RIMBP2: variants seen among roughly 807,000 people sequenced by gnomAD.
The protein encoded by RIMBP2 is RIMS binding protein 2.
Under a neutral mutation model 118.6 loss-of-function variants are expected in RIMBP2, and 48 were observed. The observed-to-expected ratio is 0.40, with a 90% CI of 0.32 to 0.51. RIMBP2 has a LOEUF of 0.51. Among genes scored for constraint, RIMBP2 ranks in the 20% least tolerant of loss-of-function variants. The probability of loss-of-function intolerance (pLI) is 0.41; values close to 1 mark genes in which losing one functional copy is unlikely to be tolerated. For missense variants in RIMBP2, 1,551 were observed against 1,768.3 expected (o/e 0.88, Z 2.20); for synonymous variants, 762 against 742.9 (o/e 1.03, Z -0.42).
chr12:130,473,601 C>T (rs7138279), intron 5 of RIMBP2, among the ~76,000 whole-genome samples: 133,334 of 152,272 alleles, frequency 0.88, 58,550 homozygotes, highest in East Asian at 1. Context: ...GAGGGGCCTC[C>T]GTGGGCGTTA....
At position 130,449,921 on chromosome 12, in the gene RIMBP2, C is replaced by A. The variant is rs145212155; in HGVS notation, c.581+279G>T. Among the ~76,000 whole-genome samples, 847 of 152,186 alleles carry A rather than the reference C, an allele frequency of 5.6e-3. 6 individuals carry two copies. Among genetic ancestry groups the A allele is most frequent in the South Asian group, 0.029 (140 of 4,804 alleles). ...CTCGGAGGGCGAGACCCTGCCGATA[C>A]CCCCATCTCAAACTTCTGCCTCCAG... On this transcript the variant is annotated intron_variant, in intron 9 of 22. Transcript: ENST00000690449.
intron 6 of RIMBP2, among the ~76,000 whole-genome samples, chr12:130,468,079 A>G (rs917009169): frequency 6.6e-6 from 1 of 152,114 alleles, no homozygotes; most frequent in Non-Finnish European, 1.5e-5. Context: ...GGACACAAAC[A>G]CCTAGACATG....
intron 16 of RIMBP2, among the ~76,000 whole-genome samples, chr12:130,423,450 A>T (rs990607223): frequency 6.6e-6 from 1 of 152,212 alleles, no homozygotes; most frequent in Non-Finnish European, 1.5e-5. Context: ...TTCAATGAAA[A>T]GGTCAGCATG....
chr12:130,442,510 A>G lies in RIMBP2; in HGVS notation c.842T>C (p.Ile281Thr), dbSNP rs746533969. The G allele has an allele frequency of 8.7e-6, 14 of 1,613,754 alleles. No individual in the cohort carries two copies. The highest frequency in any genetic ancestry group is 9.3e-6 in the Non-Finnish European group (11 of 1,179,994). ...GTGGGTTGGGGAGTGGAGGTCCAGG[A>G]TGTGCTCTCCCTCCAGGCCGATGCC... Reference protein sequence around the residue: ...HSGIGLEGEHILDLHSPTHID... With the variant: ...HSGIGLEGEHTLDLHSPTHID... Residue 281 changes from isoleucine (I) to threonine (T), a missense_variant, in exon 11 of 23, where the codon ATC (isoleucine) becomes ACC (threonine). Ile to Thr is a moderately conservative substitution (Grantham distance 89). Coordinates refer to ENST00000690449, the MANE Select transcript of RIMBP2 (RefSeq NM_001393629.1). The surrounding 1 kb of genome is among the most constrained non-coding windows in gnomAD (Gnocchi z 6.9).
chr12:130,656,846 T>C (rs1594155252), intron 1 of RIMBP2, among the ~76,000 whole-genome samples: 1 of 151,420 alleles, frequency 6.6e-6, no homozygotes, highest in African/African-American at 2.4e-5. Context: ...GGGGAGGAGG[T>C]TGCAGTGAGC....
Position 130,511,641 on chromosome 12 carries a change from A to C in RIMBP2, c.-126-4871T>G, listed in dbSNP as rs1285065847. 6.6e-6 allele frequency among the ~76,000 whole-genome samples: 1 copy of C among 152,168 alleles called. No homozygotes were observed. The highest frequency in any genetic ancestry group is 1.5e-5 in the Non-Finnish European group (1 of 68,040). The stretch of plus-strand genomic sequence containing the variant: ...CTCAATTGCTTTTGGAGTATGCGCC[A>C]TCTCTCTCCTGCTGGGACCAGACTG... On this transcript the variant is annotated intron_variant, in intron 3 of 22. Coordinates refer to ENST00000690449, the MANE Select transcript of RIMBP2 (RefSeq NM_001393629.1). This position sits in a 1 kb window ranked among gnomAD's most constrained non-coding sequence, Gnocchi z 4.3.
chr12:130,612,486 C>A (rs952489009), intron 2 of RIMBP2, among the ~76,000 whole-genome samples: 38 of 152,306 alleles, frequency 2.5e-4, no homozygotes, highest in African/African-American at 8.7e-4. Context: ...TAATGAAAAG[C>A]CACCCCAGGT....
chr12:130,582,524 G>C (rs1440590950), intron 2 of RIMBP2, among the ~76,000 whole-genome samples: 1 of 152,226 alleles, frequency 6.6e-6, no homozygotes, highest in Non-Finnish European at 1.5e-5. Context: ...GGCACCATGA[G>C]CGGCTCTGGT....
rs1209561230 is a variant in RIMBP2 at position 130,648,451 on chromosome 12, C to T, written c.-351-19995G>A. ...GGAGAAAATAAAAACTTCGTAATAT[C>T]CCCTTAAAATACATTCCATCTGTAT... On this transcript the variant is annotated intron_variant, in intron 1 of 22. Transcript: ENST00000690449. Among the ~76,000 whole-genome samples the T allele has an allele frequency of 1.4e-5, 2 of 145,202 alleles. 1 individual carries two copies. The highest frequency in any genetic ancestry group is 3.1e-5 in the Non-Finnish European group (2 of 64,234).
At chr12:130,481,010 C>A (rs1371329392) in intron 4 of RIMBP2, among the ~76,000 whole-genome samples, 1 of 152,192 alleles carries the variant, frequency 6.6e-6, no homozygotes, top group Admixed American at 6.5e-5. Flanking sequence ...TTTCCTGAGG[C>A]CGCTGCCAAC....
chr12:130,674,131 A>T (rs114556570), intron 1 of RIMBP2, among the ~76,000 whole-genome samples: 9,131 of 151,926 alleles, frequency 0.06, 275 homozygotes, highest in Admixed American at 0.083. Context: ...TTTAAAAAAT[A>T]AAAAAAATGT....
intron 2 of RIMBP2, among the ~76,000 whole-genome samples, chr12:130,536,699 G>C (rs1157341489): frequency 6.6e-6 from 1 of 152,210 alleles, no homozygotes; most frequent in East Asian, 1.9e-4. Context: ...TTTAATTTAA[G>C]TCAAATAAAA....
At chr12:130,402,090 A>G (rs2074648115) in intron 21 of RIMBP2, among the ~76,000 whole-genome samples, 1 of 152,224 alleles carries the variant, frequency 6.6e-6, no homozygotes, top group African/African-American at 2.4e-5. Context: ...AATCCACGTC[A>G]GAACGCACAT....
chr12:130,618,199 T>C (rs2061074284), intron 2 of RIMBP2, among the ~76,000 whole-genome samples: 1 of 152,120 alleles, frequency 6.6e-6, no homozygotes, highest in Admixed American at 6.5e-5. Context: ...ATGTATTATC[T>C]AAATAATCAT....
At chr12:130,486,760 C>T (rs555048310) in intron 4 of RIMBP2, among the ~76,000 whole-genome samples, 3 of 152,098 alleles carry the variant, frequency 2.0e-5, no homozygotes, top group Non-Finnish European at 4.4e-5. Context: ...AAACTCCCCC[C>T]ACCCATGTCT....
At chr12:130,421,242 T>A (rs2277358) in intron 17 of RIMBP2, among the ~76,000 whole-genome samples, 7,507 of 152,306 alleles carry the variant, frequency 0.049, 457 homozygotes, top group Admixed American at 0.19. Flanking sequence ...GAAAGGAATC[T>A]GGGCTCCACT....
At chr12:130,673,988 C>T (rs530936731) in intron 1 of RIMBP2, among the ~76,000 whole-genome samples, 9 of 150,974 alleles carry the variant, frequency 6.0e-5, no homozygotes, top group Admixed American at 6.6e-5. Flanking sequence ...TGGCGTAGCA[C>T]GCACCTGTAA....
At chr12:130,555,154 C>T (rs1005085294) in intron 2 of RIMBP2, among the ~76,000 whole-genome samples, 1 of 152,182 alleles carries the variant, frequency 6.6e-6, no homozygotes, top group African/African-American at 2.4e-5. Context: ...GATCTGACTC[C>T]AGTGTTTGGG....
intron 19 of RIMBP2, among the ~76,000 whole-genome samples, chr12:130,408,785 C>G (rs1348685621): frequency 2.0e-5 from 3 of 152,166 alleles, no homozygotes; most frequent in African/African-American, 7.2e-5. Flanking sequence ...TGGGGAATTC[C>G]AAACATACAG....
Sources: gnomAD v4.1 joint callset for allele counts (sites outside exome capture counted in the v4.1 genomes callset) on GRCh38, gnomAD v4.1.1 for gene constraint, Gnocchi (gnomAD v3.1) non-coding constraint, MANE v1.5 for transcripts, NCBI Gene and HGNC (gene_info 2026-07-23, HGNC 2026-07-21) for gene names.